RNF17: variants seen among roughly 807,000 people sequenced by gnomAD.
RNF17 encodes spermatogenesis associated 23.
RNF17 carries 31 observed loss-of-function variants against 200.5 expected under a neutral mutation model. The ratio of observed to expected loss-of-function variants is 0.15; its 90% CI spans 0.12 to 0.21. The LOEUF (loss-of-function observed/expected upper bound fraction) is 0.21, where lower values mean the gene tolerates loss of function less well. RNF17 is among the 10% of genes least tolerant of loss of function. The probability of loss-of-function intolerance (pLI) is 1.00; values close to 1 mark genes in which losing one functional copy is unlikely to be tolerated. For synonymous variants in RNF17, 606 were observed against 637.8 expected, an observed-to-expected ratio of 0.95 and a Z score of 0.75; for missense variants, 1,628 against 1,905.1, an observed-to-expected ratio of 0.85 and a Z score of 2.71.
downstream of RNF17, chr13:24,883,499 A>C: frequency 1.5e-6 from 1 of 674,476 alleles, no homozygotes; most frequent in Non-Finnish European, 2.5e-6. Flanking sequence ...TTATCCCTAT[A>C]CAATTGTAAC....
intron 29 of RNF17, 85 bp downstream of exon 29, chr13:24,865,083 A>C: frequency 3.9e-6 from 4 of 1,016,768 alleles, no homozygotes; most frequent in Non-Finnish European, 5.8e-6. Context: ...TGTGTCTTAA[A>C]TATGATTCTA....
At chr13:24,814,153 G>A (rs913812197) in intron 15 of RNF17, among the ~76,000 whole-genome samples, 13 of 152,234 alleles carry the variant, frequency 8.5e-5, no homozygotes, top group Admixed American at 1.3e-4. Context: ...TTAACTGAAC[G>A]TGGATCATTA....
chr13:24,750,205 A>C, the RNF17 span, among the ~76,000 whole-genome samples: 1 of 152,216 alleles, frequency 6.6e-6, no homozygotes, highest in South Asian at 2.1e-4. Context: ...TTTATAATTC[A>C]TGTCACAAAA....
At chr13:24,791,674 T>G (rs1883882187) in intron 9 of RNF17, among the ~76,000 whole-genome samples, 1 of 152,148 alleles carries the variant, frequency 6.6e-6, no homozygotes. Context: ...AGCAACGCAT[T>G]TGTTACCTTA....
chr13:24,764,254 A>T lies in RNF17; in HGVS notation c.51A>T (p.Arg17=), dbSNP rs959648695. Residue 17 remains arginine (R), a synonymous_variant, in exon 1 of 36, where the codon CGA becomes CGT. Coordinates refer to ENST00000255324, the MANE Select transcript of RNF17 (RefSeq NM_031277.3). ...KTGPSRSSYQ[R]MGRKSQPWGA... ...GGCCTTCTAGGTCTTCCTACCAGCG[A>T]ATGGGGAGGAAGAGTCAGCCCTGGG... The T allele has an allele frequency of 1.2e-6, 2 of 1,609,880 alleles. No individual in the cohort carries two copies. The highest frequency in any genetic ancestry group is 2.7e-5 in the African/African-American group (2 of 75,008).
intron 15 of RNF17, among the ~76,000 whole-genome samples, chr13:24,809,834 T>C (rs1041909910): frequency 3.9e-5 from 6 of 152,244 alleles, no homozygotes; most frequent in African/African-American, 1.4e-4. Context: ...GATTCTGGTA[T>C]GTTGTGTCTT....
intron 29 of RNF17, 100 bp from the exon 30 acceptor site, chr13:24,866,044 C>T (rs1202266283): frequency 2.9e-6 from 2 of 686,030 alleles, no homozygotes; most frequent in South Asian, 1.8e-5. Flanking sequence ...AAATGAATAC[C>T]AACAAGGAAA....
At chr13:24,874,598 G>C (rs1894663098) in intron 33 of RNF17, among the ~76,000 whole-genome samples, 1 of 151,986 alleles carries the variant, frequency 6.6e-6, no homozygotes, top group Non-Finnish European at 1.5e-5. Context: ...TTTTAGTAGA[G>C]ATGGGGTTTC....
intron 6 of RNF17, among the ~76,000 whole-genome samples, chr13:24,784,719 T>C (rs566993883): frequency 1.3e-5 from 2 of 151,938 alleles, no homozygotes; most frequent in South Asian, 4.2e-4. Context: ...TTCTTTTTCC[T>C]TTTTTTTGAT....
chr13:24,791,670 G>A (rs897809497), intron 9 of RNF17, among the ~76,000 whole-genome samples: 9 of 152,034 alleles, frequency 5.9e-5, no homozygotes, highest in Non-Finnish European at 1.0e-4. Context: ...GAAAAGCAAC[G>A]CATTTGTTAC....
chr13:24,796,328 AATTT>A, intron 11 of RNF17, 33 bp downstream of exon 11: 2 of 1,428,560 alleles, frequency 1.4e-6, no homozygotes, highest in Non-Finnish European at 1.9e-6. Flanking sequence ...TAAAATATCA[AATTT>A]ATTTAAATAA....
At chr13:24,764,531 C>T in intron 1 of RNF17, 198 bp downstream of exon 1, 1 of 343,162 alleles carries the variant, frequency 2.9e-6, no homozygotes, top group Admixed American at 6.4e-5. Context: ...AGCACCTGCG[C>T]CTGTCACGGC....
intron 15 of RNF17, among the ~76,000 whole-genome samples, chr13:24,812,713 G>A (rs1374442973): frequency 2.7e-4 from 33 of 122,256 alleles, no homozygotes; most frequent in African/African-American, 8.8e-4. Context: ...ACGCAGTCTC[G>A]CTCTGTCGCC....
At chr13:24,808,061 G>A (rs1886113703) in intron 15 of RNF17, among the ~76,000 whole-genome samples, 1 of 151,276 alleles carries the variant, frequency 6.6e-6, no homozygotes, top group Non-Finnish European at 1.5e-5. Flanking sequence ...TTGTAGTATA[G>A]TTTGAAGTCA....
At chr13:24,770,227 C>G (rs1880469239) in intron 2 of RNF17, among the ~76,000 whole-genome samples, 2 of 152,136 alleles carry the variant, frequency 1.3e-5, no homozygotes, top group South Asian at 4.2e-4. Flanking sequence ...AAATAGAAAT[C>G]AGAAACTACA....
In RNF17 at chr13:24,778,335, C is replaced by A. The variant is rs1881864415; in HGVS notation, c.358C>A (p.Gln120Lys). The A allele has an allele frequency of 6.2e-7, 1 of 1,613,236 alleles. No homozygotes were observed. The highest frequency in any genetic ancestry group is 1.3e-5 in the African/African-American group (1 of 74,908). Residue 120 changes from glutamine to lysine, a missense_variant, in exon 4 of 36, where the codon CAG (glutamine) becomes AAG (lysine). Around this residue, in one of 5 missense-constraint regions of RNF17, gnomAD observed 502 missense variants for 501.7 expected, o/e 1.00. Coordinates refer to ENST00000255324, the MANE Select transcript of RNF17 (RefSeq NM_031277.3). ...TCAGGACTTTAAGAAGACTGCTGAT[C>A]AGCTAACTACTGGTTTAGAACGTTC... is the stretch of plus-strand genomic sequence containing the variant. ...CSQDFKKTADQLTTGLERSAS... is the reference protein window; with the variant it reads ...CSQDFKKTADKLTTGLERSAS...
intron 25 of RNF17, among the ~76,000 whole-genome samples, chr13:24,858,606 A>G (rs1384351131): frequency 4.2e-5 from 6 of 143,882 alleles, no homozygotes; most frequent in African/African-American, 1.5e-4. Flanking sequence ...TTACTGTGGA[A>G]CTAATGGGCC....
chr13:24,861,155 AG>A, intron 26 of RNF17, 112 bp from the exon 27 acceptor site: 1 of 811,066 alleles, frequency 1.2e-6, no homozygotes. Context: ...CTGGGATTAT[AG>A]GCATGAGCCA....
chr13:24,781,929 CT>C lies in RNF17; in HGVS notation c.603del (p.Phe201LeufsTer23). On this transcript the variant is annotated frameshift_variant, in exon 6 of 36. Coordinates refer to ENST00000255324, the MANE Select transcript of RNF17 (RefSeq NM_031277.3). LOFTEE classifies it high-confidence loss of function. ...VVEKQFDQLLAFFDSRKKNLC... is the reference protein window; with the variant it reads ...VVEKQFDQLLXFFDSRKKNLC... ...GAGAAACAGTTTGACCAACTTTTGG[CT>C]TTTTTTGATTCCAGGTTAGTAACTT... The C allele has an allele frequency of 1.9e-6, 3 of 1,606,524 alleles. No individual in the cohort carries two copies. Among genetic ancestry groups the C allele is most frequent in the Admixed American group, 1.7e-5 (1 of 59,460 alleles).
Sources: allele counts gnomAD v4.1 joint callset (sites outside exome capture counted in the v4.1 genomes callset), GRCh38; gene constraint gnomAD v4.1.1; regional missense constraint gnomAD v4.1.1; transcripts MANE v1.5; gene names NCBI Gene and HGNC (gene_info 2026-07-23, HGNC 2026-07-21).